The following RHOU variants were observed in gnomAD, a reference collection of about 807,000 sequenced individuals.
RHOU encodes the protein ras homolog family member U.
Under a neutral mutation model 12.6 loss-of-function variants are expected in RHOU, and 8 were observed. The ratio of observed to expected loss-of-function variants is 0.64; its 90% CI spans 0.37 to 1.15. The LOEUF (loss-of-function observed/expected upper bound fraction) is 1.15. Ranked by LOEUF, RHOU falls within the 50% of genes most tolerant of loss-of-function variation. RHOU has a pLI of 0.01. For missense variants in RHOU, 258 were observed against 347.0 expected (o/e 0.74, Z 2.04); for synonymous variants, 161 against 147.4 (o/e 1.09, Z -0.67).
the RHOU span, among the ~76,000 whole-genome samples, chr1:228,723,407 G>A: frequency 2.6e-5 from 4 of 152,330 alleles, no homozygotes; most frequent in South Asian, 8.3e-4. Flanking sequence ...GACCCGGCAT[G>A]TCATTCACGC....
chr1:228,659,581 A>T, the RHOU span, among the ~76,000 whole-genome samples: 1 of 152,056 alleles, frequency 6.6e-6, no homozygotes, highest in African/African-American at 2.4e-5. Context: ...GTTTTTTTTT[A>T]AAGATAAAAT....
chr1:228,734,739 G>A (rs1031376834), upstream of RHOU, among the ~76,000 whole-genome samples: 1 of 152,156 alleles, frequency 6.6e-6, no homozygotes, highest in African/African-American at 2.4e-5. Flanking sequence ...TTGACCACAT[G>A]TAGAAGGAAG....
the RHOU span, among the ~76,000 whole-genome samples, chr1:228,690,585 G>A: frequency 6.6e-5 from 10 of 151,640 alleles, no homozygotes; most frequent in African/African-American, 2.4e-4. Context: ...GCCTCCCAAA[G>A]TGCTGGGATT....
chr1:228,700,257 A>C, the RHOU span, among the ~76,000 whole-genome samples: 7 of 152,356 alleles, frequency 4.6e-5, no homozygotes, highest in East Asian at 1.3e-3. Context: ...AATGGAGTTC[A>C]TTTAAACTGC....
At chr1:228,715,915 CTT>C in the RHOU span, among the ~76,000 whole-genome samples, 274 of 133,808 alleles carry the variant, frequency 2.0e-3, no homozygotes, top group Non-Finnish European at 2.9e-3. Context: ...AAAGTATGAA[CTT>C]TTTTTTTTTT....
chr1:228,653,405 C>T, the RHOU span, among the ~76,000 whole-genome samples: 4 of 152,208 alleles, frequency 2.6e-5, no homozygotes, highest in East Asian at 1.9e-4. Context: ...CTGCAACCTC[C>T]GCCTCCCATG....
Position 228,736,018 on chromosome 1 carries a change from G to T in RHOU, c.262+14G>T. ...ACAACTTCTCCGGTGAGCTGGCCGG[G>T]GGGCCGGGGCCGGGGGCGCGTGGCC... On this transcript the variant is annotated intron_variant, in intron 1 of 2. Transcript: ENST00000366691. 1 of 1,568,862 alleles carries T rather than the reference G, an allele frequency of 6.4e-7. No homozygotes were observed. Among genetic ancestry groups the T allele is most frequent in the Non-Finnish European group, 8.6e-7 (1 of 1,165,030 alleles).
chr1:228,740,782 T>C (rs1303807656), intron 2 of RHOU, among the ~76,000 whole-genome samples: 2 of 152,132 alleles, frequency 1.3e-5, no homozygotes, highest in Admixed American at 6.5e-5. Flanking sequence ...GGAGTGTGGG[T>C]TTCCCACAGA....
At chr1:228,725,212 T>A in the RHOU span, among the ~76,000 whole-genome samples, 1 of 152,116 alleles carries the variant, frequency 6.6e-6, no homozygotes, top group East Asian at 1.9e-4. Context: ...CACCCTGGAG[T>A]CCCAAAGGGC....
chr1:228,669,574 C>T, the RHOU span, among the ~76,000 whole-genome samples: 1 of 152,112 alleles, frequency 6.6e-6, no homozygotes, highest in Non-Finnish European at 1.5e-5. Flanking sequence ...TAAGCCATGT[C>T]GCTGGTTAAG....
At chr1:228,689,053 C>T in the RHOU span, among the ~76,000 whole-genome samples, 1 of 152,220 alleles carries the variant, frequency 6.6e-6, no homozygotes, top group African/African-American at 2.4e-5. Flanking sequence ...GACCTCTCCT[C>T]CTTCTCCGCC....
chr1:228,650,286 C>T, the RHOU span: 8 of 464,318 alleles, frequency 1.7e-5, no homozygotes, highest in Non-Finnish European at 3.5e-5. Context: ...GCAAGATGCT[C>T]CGCAAGGAGG....
chr1:228,735,837 G>A lies in RHOU; in HGVS notation c.95G>A (p.Gly32Glu). The change falls in exon 1 of 3, where the codon GGG becomes GAG. Residue 32 changes from glycine (G) to glutamate (E), a missense_variant. Gly to Glu is a moderately conservative substitution (Grantham distance 98, BLOSUM62 -2). Coordinates refer to ENST00000366691, the MANE Select transcript of RHOU (RefSeq NM_021205.6). This position sits in a 1 kb window ranked among gnomAD's most constrained non-coding sequence, Gnocchi z 8.1. ...RRERGGRGGR[G>E]PGEPGGRGRA... The stretch of plus-strand genomic sequence containing the variant: ...GAGCGCGGTGGACGCGGGGGACGCG[G>A]GCCTGGGGAGCCGGGGGGCCGGGGG... 7.7e-7 allele frequency: 1 copy of A among 1,298,766 alleles called. No individual in the cohort carries two copies. The highest frequency in any genetic ancestry group is 9.7e-7 in the Non-Finnish European group (1 of 1,026,720). 80.5% of individuals were successfully genotyped at this position (1,298,766 alleles called of 1,614,324 possible). A position where few individuals can be genotyped will look rare whatever the true frequency, so the allele number is the denominator to read the frequency against.
chr1:228,709,257 G>A, the RHOU span, among the ~76,000 whole-genome samples: 2 of 149,102 alleles, frequency 1.3e-5, no homozygotes, highest in Non-Finnish European at 3.0e-5. Flanking sequence ...CAACGAGACA[G>A]AAAGTCAACA....
chr1:228,667,060 C>G, the RHOU span, among the ~76,000 whole-genome samples: 128 of 152,296 alleles, frequency 8.4e-4, no homozygotes, highest in Middle Eastern at 3.4e-3. Flanking sequence ...TGAGCTGGCT[C>G]TGTTGGAAAT....
the RHOU span, among the ~76,000 whole-genome samples, chr1:228,696,711 C>T: frequency 2.6e-5 from 4 of 151,772 alleles, no homozygotes; most frequent in Non-Finnish European, 5.9e-5. Flanking sequence ...CCATGCCTGG[C>T]TAATTTTTGT....
chr1:228,729,652 C>T, the RHOU span, among the ~76,000 whole-genome samples: 1 of 152,122 alleles, frequency 6.6e-6, no homozygotes, highest in Non-Finnish European at 1.5e-5. Flanking sequence ...TTTGCATGAC[C>T]AAAAAATTAA....
chr1:228,724,855 T>TG, the RHOU span, among the ~76,000 whole-genome samples: 1 of 152,192 alleles, frequency 6.6e-6, no homozygotes, highest in African/African-American at 2.4e-5. Flanking sequence ...TTTCATTATG[T>TG]GAGTCTCCAC....
the RHOU span, among the ~76,000 whole-genome samples, chr1:228,682,778 G>A: frequency 6.6e-6 from 1 of 152,130 alleles, no homozygotes; most frequent in Non-Finnish European, 1.5e-5. Context: ...ACCATCCATC[G>A]TCATTGCCAC....
Sources: gnomAD v4.1 joint callset for allele counts (sites outside exome capture counted in the v4.1 genomes callset) on GRCh38, gnomAD v4.1.1 for gene constraint, Gnocchi (gnomAD v3.1) non-coding constraint, MANE v1.5 for transcripts, NCBI Gene and HGNC (gene_info 2026-07-23, HGNC 2026-07-21) for gene names.